The following CDH9 variants were observed in gnomAD, a reference collection of about 807,000 sequenced individuals.
The protein encoded by CDH9 is cadherin 9, also known as cadherin-9.
Under a neutral mutation model 70.9 loss-of-function variants are expected in CDH9, and 28 were observed. The ratio of observed to expected loss-of-function variants is 0.40; its 90% confidence interval spans 0.29 to 0.54. The LOEUF is 0.54. Among genes scored for constraint, CDH9 ranks in the 20% least tolerant of loss-of-function variants. CDH9 has a pLI of 0.59. For synonymous variants in CDH9, 409 were observed against 343.1 expected (o/e 1.19, Z -2.12); for missense variants, 874 against 984.4 (o/e 0.89, Z 1.50).
At chr5:26,937,594 G>A (rs908828196) in intron 2 of CDH9, among the ~76,000 whole-genome samples, 1 of 152,018 alleles carries the variant, frequency 6.6e-6, no homozygotes, top group Non-Finnish European at 1.5e-5. Flanking sequence ...CTCAATAGTT[G>A]AAGTAATAAA....
intron 1 of CDH9, among the ~76,000 whole-genome samples, chr5:27,013,902 G>T (rs1398215729): frequency 6.6e-6 from 1 of 151,928 alleles, no homozygotes; most frequent in Non-Finnish European, 1.5e-5. Context: ...TATATTTCCT[G>T]AGATAACACA....
In CDH9 at chr5:26,902,571, G is replaced by C. The variant is rs139383777; in HGVS notation, c.1158C>G (p.Val386=). 19 of 1,595,714 alleles carry C rather than the reference G, an allele frequency of 1.2e-5. No individual in the cohort carries two copies. In the African/African-American group the frequency reaches 2.5e-4, roughly 21 times the overall value. ...DIDEPPVFTK[V]SYLIEVDEDV... ...CTTCATCTACTTCTATCAAGTAAGA[G>C]ACTTTAGTGAACACAGGAGGCTCAT... is the stretch of plus-strand genomic sequence containing the variant. The change falls in exon 7 of 12, where the codon GTC becomes GTG. Residue 386 remains valine, a synonymous_variant. Coordinates refer to ENST00000231021, the MANE Select transcript of CDH9 (RefSeq NM_016279.4).
chr5:26,934,257 T>C (rs1280152292), intron 2 of CDH9, among the ~76,000 whole-genome samples: 2 of 152,022 alleles, frequency 1.3e-5, no homozygotes, highest in Non-Finnish European at 1.5e-5. Context: ...CTTGACCCCA[T>C]GAGTTTGTGA....
chr5:26,913,494 C>T (rs1033759344), intron 3 of CDH9, among the ~76,000 whole-genome samples: 5 of 152,088 alleles, frequency 3.3e-5, no homozygotes, highest in Admixed American at 1.3e-4. Flanking sequence ...GCTACTATAT[C>T]CTTGTCTCAT....
At chr5:26,961,773 G>A (rs915286604) in intron 2 of CDH9, among the ~76,000 whole-genome samples, 5 of 152,114 alleles carry the variant, frequency 3.3e-5, no homozygotes, top group Non-Finnish European at 5.9e-5. Context: ...TTAGCATGCA[G>A]TTTCGTCACC....
chr5:26,917,993 A>G (rs1049837284), intron 2 of CDH9, among the ~76,000 whole-genome samples: 1 of 152,198 alleles, frequency 6.6e-6, no homozygotes. Flanking sequence ...ATTTTATTGA[A>G]AAAATATAAC....
At chr5:26,893,291 A>T (rs1482709492) in intron 7 of CDH9, among the ~76,000 whole-genome samples, 6 of 152,100 alleles carry the variant, frequency 3.9e-5, no homozygotes, top group Non-Finnish European at 8.8e-5. Flanking sequence ...TGCTTCAAAG[A>T]GAGTATTTGG....
chr5:26,899,266 T>G (rs1358555180), intron 7 of CDH9, among the ~76,000 whole-genome samples: 3 of 152,156 alleles, frequency 2.0e-5, no homozygotes, highest in Non-Finnish European at 4.4e-5. Context: ...GTGTGGTGAT[T>G]CCTCAAGGAT....
chr5:26,926,872 T>C (rs915975538), intron 2 of CDH9, among the ~76,000 whole-genome samples: 1 of 151,046 alleles, frequency 6.6e-6, no homozygotes, highest in Non-Finnish European at 1.5e-5. Context: ...AAACTCATTC[T>C]GTGAAGCCAG....
chr5:26,996,563 G>A (rs982143043), intron 1 of CDH9, among the ~76,000 whole-genome samples: 5 of 151,892 alleles, frequency 3.3e-5, no homozygotes, highest in African/African-American at 1.2e-4. Flanking sequence ...AAATATAAGT[G>A]ACACCAAAAT....
chr5:26,972,451 C>T (rs1168904667), intron 2 of CDH9, among the ~76,000 whole-genome samples: 1 of 152,078 alleles, frequency 6.6e-6, no homozygotes, highest in African/African-American at 2.4e-5. Context: ...TCCAGGAAAC[C>T]CATGTATATC....
At chr5:26,964,224 A>T (rs1742089493) in intron 2 of CDH9, among the ~76,000 whole-genome samples, 1 of 151,758 alleles carries the variant, frequency 6.6e-6, no homozygotes, top group Non-Finnish European at 1.5e-5. Context: ...TACACACACA[A>T]GCACACGCAT....
At chr5:26,928,865 C>A in intron 2 of CDH9, among the ~76,000 whole-genome samples, 1 of 151,664 alleles carries the variant, frequency 6.6e-6, no homozygotes, top group Admixed American at 6.6e-5. Context: ...AAACTTAAAT[C>A]TAAGATTTCA....
chr5:27,016,211 T>C (rs1385817768), intron 1 of CDH9, among the ~76,000 whole-genome samples: 1 of 151,782 alleles, frequency 6.6e-6, no homozygotes, highest in Non-Finnish European at 1.5e-5. Flanking sequence ...CAACTTTATC[T>C]TGGATTTTCG....
At chr5:26,968,433 G>A (rs6880339) in intron 2 of CDH9, among the ~76,000 whole-genome samples, 51,104 of 151,762 alleles carry the variant, frequency 0.34, 9,973 homozygotes, top group Non-Finnish European at 0.44. Context: ...CTATAGGAGC[G>A]CATCACCACA....
intron 2 of CDH9, among the ~76,000 whole-genome samples, chr5:26,971,151 G>C (rs776834367): frequency 1.3e-5 from 2 of 152,032 alleles, no homozygotes; most frequent in Non-Finnish European, 2.9e-5. Flanking sequence ...TTCTAGCCTT[G>C]ACCAGAAAGT....
intron 2 of CDH9, among the ~76,000 whole-genome samples, chr5:26,952,441 C>T (rs1225135983): frequency 9.1e-6 from 1 of 109,874 alleles, no homozygotes; most frequent in Non-Finnish European, 1.8e-5. Context: ...GGTGAAACCC[C>T]GTCTCTACTA....
chr5:26,915,828 C>G lies in CDH9; in HGVS notation c.325G>C (p.Asp109His). ...SLFVIDENTG[D>H]IHAAKKLDRE... ...TCTAGTTTCTTTGCAGCATGAATGT[C>G]TCCTGTATTTTCATCTATAACAAAT... Residue 109 changes from aspartate (D) to histidine (H), a missense_variant, in exon 3 of 12, where the codon GAC (aspartate) becomes CAC (histidine). Physicochemically the swap from Asp to His is moderately conservative, Grantham distance 81. Coordinates refer to ENST00000231021, the MANE Select transcript of CDH9 (RefSeq NM_016279.4). 6.2e-7 allele frequency: 1 copy of G among 1,612,942 alleles called. No homozygotes were observed. The highest frequency in any genetic ancestry group is 8.5e-7 in the Non-Finnish European group (1 of 1,179,058).
chr5:26,960,848 G>A (rs1742022185), intron 2 of CDH9, among the ~76,000 whole-genome samples: 1 of 151,936 alleles, frequency 6.6e-6, no homozygotes, highest in East Asian at 1.9e-4. Context: ...ATTTTCATAT[G>A]CATGTGTATT....
Sources: gnomAD v4.1 joint callset for allele counts (sites outside exome capture counted in the v4.1 genomes callset) on GRCh38, gnomAD v4.1.1 for gene constraint, MANE v1.5 for transcripts, NCBI Gene and HGNC (gene_info 2026-07-23, HGNC 2026-07-21) for gene names.